The following ACSM1 variants were observed in gnomAD, a reference collection of about 807,000 sequenced individuals.
ACSM1 encodes the protein acyl-CoA synthetase medium chain family member 1.
ACSM1 carries 79 observed loss-of-function variants against 75.8 expected under a neutral mutation model. That is an observed-to-expected ratio of 1.04 (90% CI 0.87 to 1.26). The LOEUF (loss-of-function observed/expected upper bound fraction) is 1.26, where lower values mean the gene tolerates loss of function less well. Ranked by LOEUF, ACSM1 falls within the 50% of genes most tolerant of loss-of-function variation. ACSM1 has a pLI of 0.00. For synonymous variants in ACSM1, 279 were observed against 265.8 expected (o/e 1.05, Z -0.48); for missense variants, 676 against 720.1 (o/e 0.94, Z 0.70).
chr16:20,672,693 A>G (rs2020018008), intron 4 of ACSM1, among the ~76,000 whole-genome samples: 2 of 122,524 alleles, frequency 1.6e-5, no homozygotes, highest in African/African-American at 6.7e-5. Flanking sequence ...TAATTTATAT[A>G]TAAGTATATA....
chr16:20,658,944 G>A (rs1219238641), intron 7 of ACSM1, among the ~76,000 whole-genome samples: 1 of 152,166 alleles, frequency 6.6e-6, no homozygotes, highest in Admixed American at 6.5e-5. Context: ...GATGATGTAT[G>A]CAGTGTTTAT....
intron 13 of ACSM1, 41 bp from the exon 14 acceptor site, chr16:20,623,613 C>A (rs775842679): frequency 6.4e-7 from 1 of 1,567,658 alleles, no homozygotes; most frequent in Admixed American, 1.7e-5. Context: ...TTGAGTCCTG[C>A]TGCCATTTCC....
chr16:20,678,095 G>A (rs1447966377), intron 4 of ACSM1, among the ~76,000 whole-genome samples: 1 of 152,012 alleles, frequency 6.6e-6, no homozygotes, highest in Admixed American at 6.6e-5. Context: ...AGAAGCCTTA[G>A]CTATGCCTCT....
intron 1 of ACSM1, among the ~76,000 whole-genome samples, chr16:20,697,062 G>T (rs1184667842): frequency 6.6e-6 from 1 of 152,054 alleles, no homozygotes; most frequent in Non-Finnish European, 1.5e-5. Context: ...AGCAAATTCT[G>T]AAGCCAACCC....
intron 10 of ACSM1, among the ~76,000 whole-genome samples, chr16:20,628,691 A>G (rs1345323847): frequency 6.6e-6 from 1 of 152,130 alleles, no homozygotes; most frequent in East Asian, 1.9e-4. Flanking sequence ...GTTGAAAGCC[A>G]TCTGGATTGT....
chr16:20,695,574 A>G (rs2079685123), intron 1 of ACSM1, among the ~76,000 whole-genome samples: 2 of 151,970 alleles, frequency 1.3e-5, no homozygotes, highest in South Asian at 4.2e-4. Flanking sequence ...CTATCTATCT[A>G]TTACCTATCT....
chr16:20,640,845 C>T (rs1243080791), intron 7 of ACSM1, among the ~76,000 whole-genome samples: 1 of 152,158 alleles, frequency 6.6e-6, no homozygotes, highest in African/African-American at 2.4e-5. Context: ...ATTTGGATAT[C>T]AGTGTAACAA....
chr16:20,637,141 C>G, intron 9 of ACSM1: 1 of 760,824 alleles, frequency 1.3e-6, no homozygotes, highest in East Asian at 2.5e-5. Context: ...TCTAGGTATT[C>G]TTTCCTACCT....
chr16:20,675,319 G>A (rs2020207076), intron 4 of ACSM1, among the ~76,000 whole-genome samples: 1 of 152,152 alleles, frequency 6.6e-6, no homozygotes, highest in Non-Finnish European at 1.5e-5. Context: ...AGTAATGTGG[G>A]GAGGCACAGA....
intron 6 of ACSM1, among the ~76,000 whole-genome samples, chr16:20,663,713 C>G (rs1009496658): frequency 1.3e-5 from 2 of 152,134 alleles, no homozygotes; most frequent in Non-Finnish European, 2.9e-5. Flanking sequence ...AGAGGAGACA[C>G]TGAAGCTGCC....
At chr16:20,653,677 C>T (rs1469500653) in intron 7 of ACSM1, among the ~76,000 whole-genome samples, 1 of 152,076 alleles carries the variant, frequency 6.6e-6, no homozygotes, top group East Asian at 1.9e-4. Flanking sequence ...GAATAAAATA[C>T]CTAGGAATCC....
intron 8 of ACSM1, among the ~76,000 whole-genome samples, chr16:20,638,701 G>A (rs2017879914): frequency 6.6e-6 from 1 of 152,226 alleles, no homozygotes; most frequent in South Asian, 2.1e-4. Context: ...TCTTCAAGCT[G>A]TAATTGGCAG....
chr16:20,660,855 G>A lies in ACSM1; in HGVS notation c.992+939C>T, dbSNP rs74011815. Among the ~76,000 whole-genome samples, 1,222 of 152,182 alleles carry A rather than the reference G, an allele frequency of 8.0e-3. 6 individuals are homozygous for A. The highest frequency in any genetic ancestry group is 0.018 in the African/African-American group (732 of 41,530). On this transcript the variant is annotated intron_variant, in intron 7 of 13. Transcript: ENST00000520010. Reference sequence around the variant, plus strand: ...TAAAATTAATTCTCAAACATAGGAAGATGCAAAAATAAAGTTGTATTAAGA... The same window carrying A: ...TAAAATTAATTCTCAAACATAGGAAAATGCAAAAATAAAGTTGTATTAAGA...
At chr16:20,676,200 G>C (rs2020266781) in intron 4 of ACSM1, 1 of 152,244 alleles carries the variant, frequency 6.6e-6, no homozygotes, top group Non-Finnish European at 1.5e-5. Context: ...CTCAGGTCTG[G>C]TCACGCCCAA....
intron 3 of ACSM1, among the ~76,000 whole-genome samples, chr16:20,683,480 CCA>C (rs1224019086): frequency 6.6e-6 from 1 of 151,864 alleles, no homozygotes; most frequent in Non-Finnish European, 1.5e-5. Flanking sequence ...CAGGAAAACA[CCA>C]CACTTCTCGT....
At position 20,685,309 on chromosome 16, in the gene ACSM1, C is replaced by G; in HGVS notation, c.287G>C (p.Arg96Pro). 1 of 1,614,190 alleles carries G rather than the reference C, an allele frequency of 6.2e-7. No homozygotes were observed. The highest frequency in any genetic ancestry group is 8.5e-7 in the Non-Finnish European group (1 of 1,180,020). ...WSFREMGDLT[R>P]RVANVFTQTC... Reference sequence around the variant, plus strand: ...CTGTGTGAAGACGTTGGCTACACGGCGGGTTAGGTCTCCCATCTCTCTGAA... The same window carrying G: ...CTGTGTGAAGACGTTGGCTACACGGGGGGTTAGGTCTCCCATCTCTCTGAA... Residue 96 changes from arginine to proline, a missense_variant, in exon 3 of 14, where the codon CGC becomes CCC. Physicochemically the swap from Arg to Pro is moderately radical, Grantham distance 103. Transcript: ENST00000520010.
chr16:20,674,306 A>T (rs559244001), intron 4 of ACSM1, among the ~76,000 whole-genome samples: 7 of 152,306 alleles, frequency 4.6e-5, no homozygotes, highest in Non-Finnish European at 8.8e-5. Context: ...TGCAGCTGCA[A>T]GGTCACTAGA....
chr16:20,649,891 T>G (rs913132575), intron 7 of ACSM1, among the ~76,000 whole-genome samples: 2 of 152,172 alleles, frequency 1.3e-5, no homozygotes, highest in Non-Finnish European at 2.9e-5. Flanking sequence ...TCGCTCATAT[T>G]TAGCTCAGAA....
chr16:20,670,096 T>C lies in ACSM1; in HGVS notation c.753-110A>G, dbSNP rs1388272612. 4 of 1,096,716 alleles carry C rather than the reference T, an allele frequency of 3.6e-6. No homozygotes were observed. The East Asian group carries it at 1.0e-4, about 28-fold the overall frequency. 67.9% of individuals were successfully genotyped at this position (1,096,716 alleles called of 1,614,324 possible). A position where few individuals can be genotyped will look rare whatever the true frequency, so the allele number is the denominator to read the frequency against. ...CCACCTTTCTCACTCTCAGTTCATG[T>C]GATTTGTGTGGGGCTCCATACCACC... On this transcript the variant is annotated intron_variant, in intron 5 of 13. Coordinates refer to ENST00000520010, the MANE Select transcript of ACSM1 (RefSeq NM_001318890.3).
Sources: allele counts gnomAD v4.1 joint callset (sites outside exome capture counted in the v4.1 genomes callset), GRCh38; gene constraint gnomAD v4.1.1; transcripts MANE v1.5; gene names NCBI Gene and HGNC (gene_info 2026-07-23, HGNC 2026-07-21).